CSMD1: variants seen among roughly 807,000 people sequenced by gnomAD.
CSMD1 encodes CUB and Sushi multiple domains 1, also known as CUB and sushi domain-containing protein 1.
In CSMD1, 213 loss-of-function variants were observed where a neutral mutation model predicts 417.5. That is an observed-to-expected ratio of 0.51 (90% CI 0.46 to 0.57). The LOEUF (loss-of-function observed/expected upper bound fraction) is 0.57. Among genes scored for constraint, CSMD1 ranks in the 20% least tolerant of loss-of-function variants. The probability of loss-of-function intolerance (pLI) is 0.00; values close to 1 mark genes in which losing one functional copy is unlikely to be tolerated. For missense variants in CSMD1, 6,923 were observed against 4,529.7 expected (o/e 1.53, Z -15.17); for synonymous variants, 2,862 against 1,736.8 (o/e 1.65, Z -16.11).
chr8:3,860,849 C>T (rs574935792), intron 5 of CSMD1, among the ~76,000 whole-genome samples: 14 of 152,148 alleles, frequency 9.2e-5, no homozygotes, highest in Non-Finnish European at 1.8e-4. Flanking sequence ...GAAAAATATA[C>T]AATCATGAAA....
chr8:4,416,508 G>A (rs1040532620), intron 3 of CSMD1, among the ~76,000 whole-genome samples: 3 of 152,006 alleles, frequency 2.0e-5, no homozygotes, highest in Non-Finnish European at 1.5e-5. Flanking sequence ...CCAAAATAAT[G>A]AACATTTTGA....
rs77588066 is a variant in CSMD1 at position 3,409,376 on chromosome 8, G to T, written c.1744+47C>A. The T allele has an allele frequency of 3.4e-6, 5 of 1,476,136 alleles. No individual in the cohort carries two copies. The African/African-American group carries it at 6.9e-5, about 20-fold the overall frequency. 91.4% of individuals were successfully genotyped at this position (1,476,136 alleles called of 1,614,324 possible). On this transcript the variant is annotated intron_variant, in intron 13 of 69. Transcript: ENST00000635120. ...TCTTTCTCCTTTTCTCCCCTTGCAA[G>T]ATCCTTGCAGGACAGGAGGGAGTCC...
chr8:3,234,859 T>C (rs1178132911), intron 26 of CSMD1, among the ~76,000 whole-genome samples: 1 of 152,242 alleles, frequency 6.6e-6, no homozygotes, highest in Non-Finnish European at 1.5e-5. Flanking sequence ...ACACAAATTC[T>C]TGAATTTACT....
At chr8:3,686,463 T>C (rs892810421) in intron 7 of CSMD1, among the ~76,000 whole-genome samples, 1 of 152,168 alleles carries the variant, frequency 6.6e-6, no homozygotes, top group Non-Finnish European at 1.5e-5. Context: ...CACCATATGC[T>C]GCTCTGGCAT....
chr8:3,327,882 G>T (rs532243698), intron 23 of CSMD1, among the ~76,000 whole-genome samples: 2 of 152,004 alleles, frequency 1.3e-5, no homozygotes, highest in East Asian at 1.9e-4. Flanking sequence ...GTCTTCCATG[G>T]ATATTCACTG....
At chr8:4,444,072 T>A (rs79949700) in intron 2 of CSMD1, among the ~76,000 whole-genome samples, 1 of 151,992 alleles carries the variant, frequency 6.6e-6, no homozygotes, top group East Asian at 1.9e-4. Flanking sequence ...CCTGGCACAG[T>A]AGCTCATGCC....
chr8:4,434,056 G>A (rs1798015495), intron 2 of CSMD1, among the ~76,000 whole-genome samples: 1 of 152,092 alleles, frequency 6.6e-6, no homozygotes, highest in Non-Finnish European at 1.5e-5. Context: ...TGGATCTAGG[G>A]GCTGGACATT....
intron 5 of CSMD1, among the ~76,000 whole-genome samples, chr8:3,783,778 C>T (rs1159644096): frequency 6.6e-6 from 1 of 152,120 alleles, no homozygotes; most frequent in Admixed American, 6.6e-5. Flanking sequence ...AAAAGAAAGT[C>T]GCATAGGAGA....
intron 3 of CSMD1, among the ~76,000 whole-genome samples, chr8:4,354,843 G>C (rs768909056): frequency 5.5e-5 from 8 of 144,742 alleles, no homozygotes; most frequent in Non-Finnish European, 9.0e-5. Flanking sequence ...CTCACTAGAG[G>C]GCAGGTAAAT....
intron 2 of CSMD1, among the ~76,000 whole-genome samples, chr8:4,537,589 G>C (rs1797162496): frequency 6.6e-6 from 1 of 152,110 alleles, no homozygotes; most frequent in African/African-American, 2.4e-5. Flanking sequence ...TTCGTGGCCT[G>C]GGCTTTTCTC....
chr8:3,401,618 T>C (rs907888948), intron 15 of CSMD1, among the ~76,000 whole-genome samples: 1 of 152,202 alleles, frequency 6.6e-6, no homozygotes. Flanking sequence ...CTGTAGTAGC[T>C]ACAGTTGGAA....
At chr8:4,885,696 G>T (rs1442288604) in intron 1 of CSMD1, among the ~76,000 whole-genome samples, 2 of 151,114 alleles carry the variant, frequency 1.3e-5, no homozygotes, top group African/African-American at 4.9e-5. Context: ...TTTAATATTA[G>T]AGATATAATA....
intron 1 of CSMD1, among the ~76,000 whole-genome samples, chr8:4,896,298 CTT>C (rs1804475937): frequency 1.3e-5 from 2 of 152,060 alleles, no homozygotes; most frequent in Non-Finnish European, 2.9e-5. Flanking sequence ...TTATGGGTCT[CTT>C]TACATTCATG....
intron 2 of CSMD1, among the ~76,000 whole-genome samples, chr8:4,455,096 A>G (rs1224568571): frequency 6.6e-6 from 1 of 152,186 alleles, no homozygotes; most frequent in Non-Finnish European, 1.5e-5. Context: ...TTTTTTCTTA[A>G]GGTCTGACAC....
intron 5 of CSMD1, among the ~76,000 whole-genome samples, chr8:3,783,661 G>A (rs1409587382): frequency 6.6e-6 from 1 of 152,232 alleles, no homozygotes; most frequent in Non-Finnish European, 1.5e-5. Context: ...CATGGTTGAA[G>A]CACCCTGCTG....
chr8:4,234,932 G>A (rs2128816979), intron 3 of CSMD1, among the ~76,000 whole-genome samples: 2 of 152,276 alleles, frequency 1.3e-5, no homozygotes, highest in Admixed American at 1.3e-4. Context: ...TGTAACTGAT[G>A]TGCTAATCTT....
At chr8:3,737,812 G>C (rs887056988) in intron 6 of CSMD1, among the ~76,000 whole-genome samples, 1 of 152,198 alleles carries the variant, frequency 6.6e-6, no homozygotes, top group Non-Finnish European at 1.5e-5. Flanking sequence ...AAATAGCCAA[G>C]ATGGTAGTAT....
intron 1 of CSMD1, among the ~76,000 whole-genome samples, chr8:4,699,509 C>A (rs746498850): frequency 6.6e-6 from 1 of 152,152 alleles, no homozygotes; most frequent in East Asian, 1.9e-4. Flanking sequence ...AGCTGTACAT[C>A]GAACACTCAG....
chr8:4,825,138 C>T (rs959097078), intron 1 of CSMD1, among the ~76,000 whole-genome samples: 2 of 152,080 alleles, frequency 1.3e-5, no homozygotes, highest in African/African-American at 4.8e-5. Flanking sequence ...TAGATTTCAA[C>T]ATTTTCTACC....
Sources: allele counts gnomAD v4.1 joint callset (sites outside exome capture counted in the v4.1 genomes callset), GRCh38; gene constraint gnomAD v4.1.1; transcripts MANE v1.5; gene names NCBI Gene and HGNC (gene_info 2026-07-23, HGNC 2026-07-21).